The following MYO5B variants were observed in gnomAD, a reference collection of about 807,000 sequenced individuals.
The protein encoded by MYO5B is unconventional myosin-Vb.
In MYO5B, 143 loss-of-function variants were observed where a neutral mutation model predicts 229.3. That is an observed-to-expected ratio of 0.62 (90% CI 0.54 to 0.72). MYO5B has a LOEUF of 0.72. Ranked by LOEUF, MYO5B falls within the 30% of genes least tolerant of loss-of-function variation. MYO5B has a pLI of 0.00. For synonymous variants in MYO5B, 918 were observed against 885.2 expected (o/e 1.04, Z -0.66); for missense variants, 2,321 against 2,331.0 (o/e 1.00, Z 0.09).
intron 1 of MYO5B, among the ~76,000 whole-genome samples, chr18:50,075,765 C>T (rs959273543): frequency 4.6e-5 from 7 of 152,220 alleles, no homozygotes; most frequent in African/African-American, 1.7e-4. Context: ...AGTTTGGATC[C>T]AGGAGAGACG....
chr18:50,191,563 C>T (rs2144364569), intron 1 of MYO5B, among the ~76,000 whole-genome samples: 1 of 152,188 alleles, frequency 6.6e-6, no homozygotes, highest in East Asian at 1.9e-4. Context: ...AACTAAAAAT[C>T]AAATTGAGTG....
intron 10 of MYO5B, among the ~76,000 whole-genome samples, chr18:49,972,455 G>A (rs1447130219): frequency 6.6e-6 from 1 of 152,148 alleles, no homozygotes; most frequent in Non-Finnish European, 1.5e-5. Context: ...AAATACAACA[G>A]AACTGAGGCA....
rs536003980 is a variant in MYO5B at position 49,908,987 on chromosome 18, C to T, written c.2203-2357G>A. Among the ~76,000 whole-genome samples the T allele has an allele frequency of 2.6e-5, 4 of 152,326 alleles. No homozygotes were observed. The South Asian group carries it at 8.3e-4, about 32-fold the overall frequency. ...CTCACTGACAGCCTAACGAAGCAGC[C>T]CCCAGCCCCAGGCTGCCCCTCCAGG... is the stretch of plus-strand genomic sequence containing the variant. On this transcript the variant is annotated intron_variant, in intron 18 of 39. Coordinates refer to ENST00000285039, the MANE Select transcript of MYO5B (RefSeq NM_001080467.3).
intron 12 of MYO5B, among the ~76,000 whole-genome samples, chr18:49,957,682 C>CAA (rs72450719): frequency 0.38 from 45,293 of 120,352 alleles, 8,257 homozygotes; most frequent in South Asian, 0.52. Flanking sequence ...CAAAAAAAGC[C>CAA]AAAAAAAAAA....
At chr18:49,927,898 A>T (rs1259663930) in intron 17 of MYO5B, among the ~76,000 whole-genome samples, 1 of 152,256 alleles carries the variant, frequency 6.6e-6, no homozygotes, top group Non-Finnish European at 1.5e-5. Flanking sequence ...AGTAGACGGG[A>T]CTTAAACTAA....
At chr18:50,092,146 AAAG>A (rs1242601138) in intron 1 of MYO5B, among the ~76,000 whole-genome samples, 1 of 152,216 alleles carries the variant, frequency 6.6e-6, no homozygotes, top group Admixed American at 6.5e-5. Flanking sequence ...CAGCAGAAAC[AAAG>A]AAGAATCCAA....
At chr18:50,005,549 T>TATAGGC (rs1187363916) in intron 4 of MYO5B, among the ~76,000 whole-genome samples, 1 of 152,220 alleles carries the variant, frequency 6.6e-6, no homozygotes, top group Non-Finnish European at 1.5e-5. Flanking sequence ...TAGCTAGTAT[T>TATAGGC]ATAGGCATAG....
intron 5 of MYO5B, among the ~76,000 whole-genome samples, chr18:49,993,529 C>G (rs1019758864): frequency 6.6e-6 from 1 of 152,084 alleles, no homozygotes; most frequent in African/African-American, 2.4e-5. Flanking sequence ...TACAGGGAGG[C>G]GCTGAGTTAT....
At chr18:49,951,697 C>T (rs148297912) in intron 14 of MYO5B, among the ~76,000 whole-genome samples, 47 of 152,328 alleles carry the variant, frequency 3.1e-4, no homozygotes, top group African/African-American at 1.1e-3. Flanking sequence ...TCTCTTCTCT[C>T]CATCCCTCGT....
At chr18:49,826,720 G>T (rs2023851464) in intron 39 of MYO5B, 97 bp from the exon 40 acceptor site, 1 of 1,400,082 alleles carries the variant, frequency 7.1e-7, no homozygotes, top group East Asian at 2.3e-5. Flanking sequence ...ATCATGGAAA[G>T]ATTTCTACGA....
chr18:50,135,563 C>G (rs1254026299), intron 1 of MYO5B, among the ~76,000 whole-genome samples: 1 of 152,178 alleles, frequency 6.6e-6, no homozygotes, highest in Non-Finnish European at 1.5e-5. Context: ...AAAGACACCT[C>G]TCTGGTTGAA....
intron 9 of MYO5B, among the ~76,000 whole-genome samples, 183 bp from the exon 10 acceptor site, chr18:49,974,798 G>GACACACACACACACAGACAC (rs1555648481): frequency 2.4e-4 from 32 of 131,096 alleles, no homozygotes; most frequent in African/African-American, 6.7e-4. Context: ...CACACACACA[G>GACACACACACACACAGACAC]ACACACACAC....
intron 4 of MYO5B, among the ~76,000 whole-genome samples, chr18:50,008,178 T>G (rs4398183): frequency 0.46 from 70,019 of 152,062 alleles, 19,031 homozygotes; most frequent in East Asian, 0.61. Context: ...TCATCAGTGC[T>G]GGCTGGCTTG....
chr18:50,194,731 C>A, intron 1 of MYO5B, 36 bp downstream of exon 1: 2 of 1,441,874 alleles, frequency 1.4e-6, no homozygotes, highest in Non-Finnish European at 1.8e-6. Context: ...GCGCGCCACC[C>A]CGGCCCCGGG....
chr18:50,115,045 A>G (rs1214175724), intron 1 of MYO5B, among the ~76,000 whole-genome samples: 1 of 152,196 alleles, frequency 6.6e-6, no homozygotes, highest in Non-Finnish European at 1.5e-5. Context: ...TGATTCCACA[A>G]TTTGATGGTC....
At chr18:50,122,370 G>A (rs998703561) in intron 1 of MYO5B, among the ~76,000 whole-genome samples, 3 of 144,512 alleles carry the variant, frequency 2.1e-5, no homozygotes, top group African/African-American at 7.7e-5. Context: ...CGCAGGCCGA[G>A]GCAGGCAGAT....
chr18:49,911,866 G>C (rs1289104638), intron 18 of MYO5B, among the ~76,000 whole-genome samples, 196 bp downstream of exon 18: 1 of 152,170 alleles, frequency 6.6e-6, no homozygotes, highest in East Asian at 1.9e-4. Flanking sequence ...TGTAAAAAAG[G>C]TTGGGAAGTG....
chr18:49,937,717 T>C (rs1306840432), intron 14 of MYO5B, among the ~76,000 whole-genome samples: 1 of 151,594 alleles, frequency 6.6e-6, no homozygotes, highest in Non-Finnish European at 1.5e-5. Context: ...TTATACCAAG[T>C]GAAAGCAGCC....
chr18:50,033,962 T>C (rs1295269016), intron 4 of MYO5B, among the ~76,000 whole-genome samples: 5 of 152,118 alleles, frequency 3.3e-5, no homozygotes, highest in Admixed American at 3.3e-4. Flanking sequence ...TCCCTCATGC[T>C]CTCACAGAGT....
Sources: allele counts gnomAD v4.1 joint callset (sites outside exome capture counted in the v4.1 genomes callset), GRCh38; gene constraint gnomAD v4.1.1; transcripts MANE v1.5; gene names NCBI Gene and HGNC (gene_info 2026-07-23, HGNC 2026-07-21).